The following STT3B variants were observed in gnomAD, a reference collection of about 807,000 sequenced individuals.
STT3B encodes dolichyl-diphosphooligosaccharide--protein glycosyltransferase subunit STT3B.
Under a neutral mutation model 96.8 loss-of-function variants are expected in STT3B, and 29 were observed. The observed-to-expected ratio is 0.30, with a 90% CI of 0.22 to 0.41. The LOEUF (loss-of-function observed/expected upper bound fraction) is 0.41, where lower values mean the gene tolerates loss of function less well. Among genes scored for constraint, STT3B ranks in the 10% least tolerant of loss-of-function variants. STT3B has a pLI of 1.00. For synonymous variants in STT3B, 367 were observed against 360.0 expected (o/e 1.02, Z -0.22); for missense variants, 640 against 1,022.3 (o/e 0.63, Z 5.10).
At chr3:31,564,401 A>T (rs866936397) in intron 1 of STT3B, among the ~76,000 whole-genome samples, 4 of 152,230 alleles carry the variant, frequency 2.6e-5, no homozygotes, top group Non-Finnish European at 4.4e-5. Context: ...AATGATGTGA[A>T]ATAGACCCCT....
chr3:31,636,885 G>C lies in STT3B; in HGVS notation c.*821G>C, dbSNP rs541663573. Reference sequence around the variant, plus strand: ...ACTGAAGTTAGCACTATGTTTACATGCAAAAGATTAAGGAAAAAACCCTTA... The same window carrying C: ...ACTGAAGTTAGCACTATGTTTACATCCAAAAGATTAAGGAAAAAACCCTTA... On this transcript the variant is annotated 3_prime_UTR_variant, in exon 16 of 16. Transcript: ENST00000295770. 1 of 152,252 alleles carries C rather than the reference G, an allele frequency of 6.6e-6. No homozygotes were observed. The highest frequency in any genetic ancestry group is 1.5e-5 in the Non-Finnish European group (1 of 67,998). The allele number at this position is 152,252 out of a possible 1,614,324, so 9.4% of individuals were successfully genotyped here.
At chr3:31,609,857 C>T (rs1216122657) in intron 5 of STT3B, among the ~76,000 whole-genome samples, 1 of 152,110 alleles carries the variant, frequency 6.6e-6, no homozygotes, top group Admixed American at 6.5e-5. Context: ...ACCACCACAC[C>T]CGGCCACACT....
At chr3:31,601,074 T>G (rs987140537) in intron 5 of STT3B, among the ~76,000 whole-genome samples, 7 of 152,160 alleles carry the variant, frequency 4.6e-5, no homozygotes, top group Non-Finnish European at 1.0e-4. Context: ...TATAATAATG[T>G]TTTTGGAAAA....
intron 1 of STT3B, among the ~76,000 whole-genome samples, chr3:31,567,734 T>G (rs1457591303): frequency 1.3e-5 from 2 of 152,176 alleles, no homozygotes; most frequent in Non-Finnish European, 2.9e-5. Context: ...CATAATAGAT[T>G]TATCTATTTA....
chr3:31,538,280 CAT>C (rs1206455566), intron 1 of STT3B, among the ~76,000 whole-genome samples: 1 of 152,168 alleles, frequency 6.6e-6, no homozygotes, highest in Non-Finnish European at 1.5e-5. Flanking sequence ...TTTATTTCTA[CAT>C]AGTGTTTGTT....
intron 1 of STT3B, among the ~76,000 whole-genome samples, chr3:31,572,107 T>C (rs947786987): frequency 9.2e-5 from 13 of 141,664 alleles, no homozygotes; most frequent in African/African-American, 3.4e-4. Flanking sequence ...ATTAAATATA[T>C]ATATTATATA....
At chr3:31,570,364 C>CA (rs1316987565) in intron 1 of STT3B, among the ~76,000 whole-genome samples, 3 of 152,150 alleles carry the variant, frequency 2.0e-5, no homozygotes, top group Non-Finnish European at 4.4e-5. Context: ...GTAGAGGTTT[C>CA]AACATGTTTT....
chr3:31,555,579 A>G (rs1697684986), intron 1 of STT3B, among the ~76,000 whole-genome samples: 1 of 152,066 alleles, frequency 6.6e-6, no homozygotes, highest in African/African-American at 2.4e-5. Flanking sequence ...CATTTGAATC[A>G]TAGGCCCTTA....
At position 31,581,112 on chromosome 3, in the gene STT3B, A is replaced by T. The variant is rs557135125; in HGVS notation, c.711+1016A>T. Among the ~76,000 whole-genome samples, 171 of 152,258 alleles carry T rather than the reference A, an allele frequency of 1.1e-3. 5 individuals carry two copies. The South Asian group carries it at 0.035, about 31-fold the overall frequency. On this transcript the variant is annotated intron_variant, in intron 3 of 15. Coordinates refer to ENST00000295770, the MANE Select transcript of STT3B (RefSeq NM_178862.3). ...ATATGTGCAGTATGAGAAATCCTTG[A>T]TGTAAGTTTTTAAGCAGTACAAATC...
At chr3:31,622,356 AT>A in intron 10 of STT3B, 48 bp downstream of exon 10, 1 of 1,475,800 alleles carries the variant, frequency 6.8e-7, no homozygotes, top group Non-Finnish European at 9.4e-7. Context: ...TCCTTTCTTA[AT>A]TTTTCCACCA....
At chr3:31,589,472 T>G (rs1271058798) in intron 3 of STT3B, among the ~76,000 whole-genome samples, 2 of 151,976 alleles carry the variant, frequency 1.3e-5, no homozygotes, top group Non-Finnish European at 2.9e-5. Flanking sequence ...GGACTTCCAT[T>G]ACAATGCAAA....
chr3:31,545,103 G>A (rs898400292), intron 1 of STT3B, among the ~76,000 whole-genome samples: 4 of 152,144 alleles, frequency 2.6e-5, no homozygotes, highest in South Asian at 2.1e-4. Flanking sequence ...GAAGGAACAG[G>A]ATAATGAAAC....
intron 1 of STT3B, among the ~76,000 whole-genome samples, chr3:31,551,789 C>T (rs1033693216): frequency 3.3e-5 from 5 of 152,132 alleles, no homozygotes; most frequent in Non-Finnish European, 5.9e-5. Context: ...GATTATGTGA[C>T]GTTGTGTAAA....
At chr3:31,543,641 T>C (rs979011142) in intron 1 of STT3B, among the ~76,000 whole-genome samples, 3 of 152,190 alleles carry the variant, frequency 2.0e-5, no homozygotes, top group Non-Finnish European at 4.4e-5. Context: ...ATAATCCCAG[T>C]TTCAATACAC....
At chr3:31,565,057 C>T (rs1284157955) in intron 1 of STT3B, among the ~76,000 whole-genome samples, 1 of 152,172 alleles carries the variant, frequency 6.6e-6, no homozygotes, top group Non-Finnish European at 1.5e-5. Context: ...TGTCTTCTTT[C>T]CTTCCTTGCA....
chr3:31,596,737 TA>T, intron 3 of STT3B, 60 bp from the exon 4 acceptor site: 5 of 1,365,856 alleles, frequency 3.7e-6, no homozygotes, highest in Non-Finnish European at 4.1e-6. Context: ...ATTTAACTTT[TA>T]AAAATTCCGC....
chr3:31,564,892 A>G lies in STT3B; in HGVS notation c.315-11504A>G, dbSNP rs548688344. 3.3e-5 allele frequency among the ~76,000 whole-genome samples: 5 copies of G among 152,354 alleles called. No individual in the cohort carries two copies. The East Asian group carries it at 7.7e-4, about 23-fold the overall frequency. On this transcript the variant is annotated intron_variant, in intron 1 of 15. Transcript: ENST00000295770. ...AGAAAGAGGAAGAGATTCCGAACCAATTGTTAAACTTTAAATCCCATAAAT... is the reference window on the plus strand; with the variant it reads ...AGAAAGAGGAAGAGATTCCGAACCAGTTGTTAAACTTTAAATCCCATAAAT...
intron 5 of STT3B, among the ~76,000 whole-genome samples, chr3:31,608,322 G>C (rs1475533401): frequency 6.6e-6 from 1 of 152,138 alleles, no homozygotes; most frequent in East Asian, 1.9e-4. Flanking sequence ...CTAGTTATTG[G>C]GGGAAAGAGA....
chr3:31,628,410 A>G (rs1013872543), intron 13 of STT3B, among the ~76,000 whole-genome samples: 1 of 152,076 alleles, frequency 6.6e-6, no homozygotes, highest in African/African-American at 2.4e-5. Context: ...GTGTGTGTGC[A>G]TGATTTATTT....
Sources: gnomAD v4.1 joint callset for allele counts (sites outside exome capture counted in the v4.1 genomes callset) on GRCh38, gnomAD v4.1.1 for gene constraint, MANE v1.5 for transcripts, NCBI Gene and HGNC (gene_info 2026-07-23, HGNC 2026-07-21) for gene names.